CLIP2: variants seen among roughly 807,000 people sequenced by gnomAD.
CLIP2 encodes CAP-Gly domain containing linker protein 2.
A neutral mutation model predicts 111.7 loss-of-function variants in CLIP2; 41 were observed. The observed-to-expected ratio is 0.37, with a 90% CI of 0.29 to 0.48. The LOEUF (loss-of-function observed/expected upper bound fraction) is 0.48. Among genes scored for constraint, CLIP2 ranks in the 20% least tolerant of loss-of-function variants. The probability of loss-of-function intolerance (pLI) is 0.99; values close to 1 mark genes in which losing one functional copy is unlikely to be tolerated. For missense variants in CLIP2, 1,160 were observed against 1,422.1 expected, an observed-to-expected ratio of 0.82 and a Z score of 2.96; for synonymous variants, 660 against 644.2, an observed-to-expected ratio of 1.02 and a Z score of -0.37.
chr7:74,317,333 C>T (rs989184073), intron 1 of CLIP2, 147 bp from the exon 2 acceptor site: 3 of 456,906 alleles, frequency 6.6e-6, no homozygotes, highest in African/African-American at 4.0e-5. Flanking sequence ...CTGGCCTGTG[C>T]GGCAACGGGA....
At chr7:74,388,482 A>T (rs1554315225) in intron 12 of CLIP2, among the ~76,000 whole-genome samples, 1 of 150,528 alleles carries the variant, frequency 6.6e-6, no homozygotes, top group Non-Finnish European at 1.5e-5. Flanking sequence ...GGCCGACAAT[A>T]GCAAGACTCC....
intron 14 of CLIP2, among the ~76,000 whole-genome samples, chr7:74,399,847 C>G (rs1562733245): frequency 2.0e-5 from 3 of 150,468 alleles, no homozygotes; most frequent in African/African-American, 7.3e-5. Context: ...GTCTCTGTCT[C>G]TTTTTTTAAT....
At chr7:74,302,461 C>T (rs192184051) in intron 1 of CLIP2, among the ~76,000 whole-genome samples, 1 of 152,264 alleles carries the variant, frequency 6.6e-6, no homozygotes, top group Non-Finnish European at 1.5e-5. Context: ...GTGTTCCACA[C>T]ACCTCAGCCT....
intron 2 of CLIP2, among the ~76,000 whole-genome samples, chr7:74,319,094 C>T (rs1431001506): frequency 6.6e-6 from 1 of 152,118 alleles, no homozygotes; most frequent in African/African-American, 2.4e-5. Context: ...GTGGCAAATC[C>T]TCTCCAGCAG....
chr7:74,307,230 C>T lies in CLIP2; in HGVS notation c.-67-10250C>T, dbSNP rs150740904. Among the ~76,000 whole-genome samples, 30 of 152,302 alleles carry T rather than the reference C, an allele frequency of 2.0e-4. No individual in the cohort carries two copies. In the East Asian group the frequency reaches 5.6e-3, roughly 28 times the overall value. ...CAGCTCTTTGGTTTCCTTTGTGAGC[C>T]GTGGCAGGCGGACGCTGTCCCCAGA... On this transcript the variant is annotated intron_variant, in intron 1 of 16. Transcript: ENST00000223398.
intron 3 of CLIP2, among the ~76,000 whole-genome samples, chr7:74,339,298 C>CTTATTTATTTATTTATTTATTTATTTAT (rs3044358): frequency 6.7e-6 from 1 of 150,240 alleles, no homozygotes; most frequent in African/African-American, 2.4e-5. Context: ...ACTTATTTTA[C>CTTATTTATTTATTTATTTATTTATTTAT]TTATTTATTT....
rs1304056901 is a variant in CLIP2 at position 74,376,460 on chromosome 7, G to A, written c.2059G>A (p.Glu687Lys). The A allele has an allele frequency of 3.1e-6, 5 of 1,613,646 alleles. No individual in the cohort carries two copies. The East Asian group carries it at 8.9e-5, about 29-fold the overall frequency. The change falls in exon 10 of 17, where the codon GAG becomes AAG. Residue 687 changes from glutamate to lysine, a missense_variant. Around this residue, in one of 5 missense-constraint regions of CLIP2, gnomAD observed 676 missense variants for 777.8 expected, o/e 0.87. Transcript: ENST00000223398. This position sits in a 1 kb window ranked among gnomAD's most constrained non-coding sequence, Gnocchi z 7.1. The stretch of plus-strand genomic sequence containing the variant: ...CGTGAAGGAGAAGGAGGCCCTGCGA[G>A]AGAAGCTGCAGGAGGCCCAGGAGGA... The part of the protein sequence containing the change: ...MHVKEKEALR[E>K]KLQEAQEELA...
intron 3 of CLIP2, among the ~76,000 whole-genome samples, chr7:74,353,148 C>G (rs1438687571): frequency 6.6e-6 from 1 of 150,506 alleles, no homozygotes; most frequent in Non-Finnish European, 1.5e-5. Flanking sequence ...AGGACCCTAT[C>G]TCAAAAAAAA....
chr7:74,351,080 AAAG>A (rs1292120895), intron 3 of CLIP2, among the ~76,000 whole-genome samples: 4 of 86,304 alleles, frequency 4.6e-5, no homozygotes, highest in African/African-American at 1.2e-4. Context: ...AGAAAGAAAG[AAAG>A]AAAAAGAAGG....
chr7:74,401,125 CG>C (rs1161932341), intron 15 of CLIP2, among the ~76,000 whole-genome samples: 4 of 151,052 alleles, frequency 2.6e-5, no homozygotes, highest in African/African-American at 4.9e-5. Context: ...AGCTCTGTCC[CG>C]GGAACCCTGG....
chr7:74,394,023 G>A (rs929343887), intron 13 of CLIP2, among the ~76,000 whole-genome samples: 40 of 152,060 alleles, frequency 2.6e-4, no homozygotes, highest in Admixed American at 9.9e-4. Context: ...TATCTCAGCC[G>A]CAGGATGCCC....
Position 74,380,812 on chromosome 7 carries a change from G to T in CLIP2, c.2428G>T (p.Glu810Ter). The T allele has an allele frequency of 6.2e-7, 1 of 1,606,706 alleles. No individual in the cohort carries two copies. Among genetic ancestry groups the T allele is most frequent in the South Asian group, 1.1e-5 (1 of 90,312 alleles). The change falls in exon 11 of 17, where the codon GAG becomes TAG. Residue 810 changes from glutamate (E) to a stop codon, truncating the protein, a stop_gained. Transcript: ENST00000223398. LOFTEE classifies it high-confidence loss of function. The stretch of plus-strand genomic sequence containing the variant: ...ACAGGGGCTCTTTTTGCAGATGATT[G>T]AGTCGAATGACATTTCAGAGGAGAC... ...LCSSQHTHMI[E>*]SNDISEETIR...
At position 74,356,638 on chromosome 7, in the gene CLIP2, G is replaced by A; in HGVS notation, c.1017+15G>A. 6.2e-7 allele frequency: 1 copy of A among 1,604,572 alleles called. No individual in the cohort carries two copies. The highest frequency in any genetic ancestry group is 8.5e-7 in the Non-Finnish European group (1 of 1,175,170). Reference sequence around the variant, plus strand: ...GCAGTGGCCTGGTGAGGGTGGGGCTGCAGAAGGGGATTCTCTGGTGTGCGT... The same window carrying A: ...GCAGTGGCCTGGTGAGGGTGGGGCTACAGAAGGGGATTCTCTGGTGTGCGT... On this transcript the variant is annotated intron_variant, in intron 5 of 16. Transcript: ENST00000223398.
intron 7 of CLIP2, among the ~76,000 whole-genome samples, chr7:74,362,667 T>A (rs958072128): frequency 6.6e-6 from 1 of 151,722 alleles, no homozygotes; most frequent in Non-Finnish European, 1.5e-5. Context: ...CCCAAGTAGC[T>A]GGGACTACAG....
chr7:74,397,664 TTG>T lies in CLIP2; in HGVS notation c.2880+433_2880+434del, dbSNP rs782173771. 2.8e-3 allele frequency among the ~76,000 whole-genome samples: 242 copies of T among 86,138 alleles called. 40 individuals carry two copies. Among genetic ancestry groups the T allele is most frequent in the East Asian group, 4.3e-3 (11 of 2,572 alleles). The allele number at this position is 86,138 out of a possible 152,430, so 56.5% of individuals were successfully genotyped here. A position where few individuals can be genotyped will look rare whatever the true frequency, so the allele number is the denominator to read the frequency against. On this transcript the variant is annotated intron_variant, in intron 14 of 16. Coordinates refer to ENST00000223398, the MANE Select transcript of CLIP2 (RefSeq NM_003388.5). ...GGGATTCTGGGTGGCTGAGTTTTTT[TTG>T]TTTTTTTTTTTTTTTTTTGAGACAG...
intron 6 of CLIP2, among the ~76,000 whole-genome samples, chr7:74,358,051 G>GTT (rs782071365): frequency 4.1e-4 from 46 of 111,368 alleles, no homozygotes; most frequent in African/African-American, 7.5e-4. Context: ...CACTGCAAGG[G>GTT]TTTTTTTTTT....
chr7:74,361,741 A>T (rs1790336339), intron 7 of CLIP2, among the ~76,000 whole-genome samples: 1 of 152,182 alleles, frequency 6.6e-6, no homozygotes, highest in Non-Finnish European at 1.5e-5. Flanking sequence ...GAGAAACAGC[A>T]GCCAAGGGAC....
At chr7:74,299,324 A>AAAAT (rs56395750) in intron 1 of CLIP2, among the ~76,000 whole-genome samples, 3,692 of 147,300 alleles carry the variant, frequency 0.025, 107 homozygotes, top group African/African-American at 0.068. Context: ...GACCCTGTCT[A>AAAAT]AAATAAATAA....
chr7:74,390,997 C>T (rs1384409251), intron 13 of CLIP2, among the ~76,000 whole-genome samples: 6 of 151,624 alleles, frequency 4.0e-5, no homozygotes, highest in Admixed American at 1.3e-4. Flanking sequence ...TGCAGTGAGC[C>T]GAGATTGCGC....
Sources: gnomAD v4.1 joint callset for allele counts (sites outside exome capture counted in the v4.1 genomes callset) on GRCh38, gnomAD v4.1.1 for gene constraint, gnomAD v4.1.1 regional missense constraint, Gnocchi (gnomAD v3.1) non-coding constraint, MANE v1.5 for transcripts, NCBI Gene and HGNC (gene_info 2026-07-23, HGNC 2026-07-21) for gene names.